The following PCDH15 variants were observed in gnomAD, a reference collection of about 807,000 sequenced individuals.
PCDH15 encodes the protein protocadherin related 15, also known as protocadherin-15.
A neutral mutation model predicts 178.5 loss-of-function variants in PCDH15; 129 were observed. The observed-to-expected ratio is 0.72, with a 90% CI of 0.63 to 0.84. The LOEUF (loss-of-function observed/expected upper bound fraction) is 0.84, where lower values mean the gene tolerates loss of function less well. Among genes scored for constraint, PCDH15 ranks in the 40% least tolerant of loss-of-function variants. The pLI is 0.00. For missense variants in PCDH15, 2,230 were observed against 2,099.9 expected (o/e 1.06, Z -1.21); for synonymous variants, 800 against 732.0 (o/e 1.09, Z -1.50).
chr10:54,092,456 A>G (rs910653486), intron 15 of PCDH15, among the ~76,000 whole-genome samples: 12 of 151,818 alleles, frequency 7.9e-5, no homozygotes, highest in African/African-American at 2.9e-4. Flanking sequence ...CACCCTCCCC[A>G]TGCCATACAC....
At chr10:54,349,697 T>C (rs1943874458) in intron 5 of PCDH15, among the ~76,000 whole-genome samples, 1 of 152,186 alleles carries the variant, frequency 6.6e-6, no homozygotes, top group South Asian at 2.1e-4. Context: ...ATGTAGTCCT[T>C]TAAAATAAAC....
intron 15 of PCDH15, among the ~76,000 whole-genome samples, chr10:54,130,362 G>GC (rs2042329636): frequency 6.6e-6 from 1 of 152,166 alleles, no homozygotes; most frequent in Non-Finnish European, 1.5e-5. Flanking sequence ...GCACATGACT[G>GC]GCTCTCACGA....
rs533767824 is a variant in PCDH15, at chr10:54,740,893, A to G, written c.-29+60032T>C. Among the ~76,000 whole-genome samples, 75 of 152,080 alleles carry G rather than the reference A, an allele frequency of 4.9e-4. No homozygotes were observed. In the South Asian group the frequency reaches 0.015, roughly 30 times the overall value. ...AGGGTAGGGTAGAGGATGGATGAAG[A>G]AAGATTGGTTAATGGATACAAAAAT... On this transcript the variant is annotated intron_variant, in intron 1 of 37. Transcript: ENST00000644397.
chr10:55,507,647 C>A (rs1395870835), intron 2 of PCDH15, among the ~76,000 whole-genome samples: 3 of 151,440 alleles, frequency 2.0e-5, no homozygotes, highest in African/African-American at 2.4e-5. Context: ...TAAACACTTT[C>A]ATATAGCATA....
chr10:55,244,032 A>G (rs1841623528), intron 1 of PCDH15, among the ~76,000 whole-genome samples: 2 of 152,082 alleles, frequency 1.3e-5, no homozygotes, highest in African/African-American at 4.8e-5. Context: ...TTTCTTTCAA[A>G]AAATCATTAA....
At chr10:55,094,360 G>A (rs1455305392) in intron 2 of PCDH15, among the ~76,000 whole-genome samples, 1 of 151,922 alleles carries the variant, frequency 6.6e-6, no homozygotes, top group African/African-American at 2.4e-5. Context: ...TTGGACACAG[G>A]GTGGGGAACA....
rs1440362228 is a variant in PCDH15 at position 53,804,357 on chromosome 10, A to G, written c.*2222T>C. ...AGGCCACTAGACTTCTGCCAACATCATATTTCCAAATCTACTGGTAACCAA... is the reference window on the plus strand; with the variant it reads ...AGGCCACTAGACTTCTGCCAACATCGTATTTCCAAATCTACTGGTAACCAA... On this transcript the variant is annotated 3_prime_UTR_variant, in exon 38 of 38. Transcript: ENST00000644397. 6.6e-6 allele frequency: 1 copy of G among 151,980 alleles called. No homozygotes were observed. Among genetic ancestry groups the G allele is most frequent in the African/African-American group, 2.4e-5 (1 of 41,426 alleles). The allele number at this position is 151,980 out of a possible 1,614,324, so 9.4% of individuals were successfully genotyped here.
intron 2 of PCDH15, among the ~76,000 whole-genome samples, chr10:55,461,199 T>C (rs1341137292): frequency 1.3e-5 from 2 of 152,176 alleles, no homozygotes; most frequent in Non-Finnish European, 2.9e-5. Flanking sequence ...TCTGCAGCAC[T>C]CTGTCCTAGG....
intron 2 of PCDH15, among the ~76,000 whole-genome samples, chr10:55,538,460 TCCTTCCTCCCTC>T (rs1841645942): frequency 7.0e-6 from 1 of 143,462 alleles, no homozygotes; most frequent in Non-Finnish European, 1.5e-5. Context: ...CTTCTTTCCT[TCCTTCCTCCCTC>T]CCTTCCTCCC....
chr10:55,372,985 C>T (rs888736436), intron 2 of PCDH15, among the ~76,000 whole-genome samples: 5 of 151,998 alleles, frequency 3.3e-5, no homozygotes, highest in Admixed American at 1.3e-4. Flanking sequence ...GAGGTTGTAG[C>T]CTTTGTGAGT....
At chr10:54,175,364 TTA>T (rs1326930205) in intron 13 of PCDH15, among the ~76,000 whole-genome samples, 1 of 152,186 alleles carries the variant, frequency 6.6e-6, no homozygotes, top group Non-Finnish European at 1.5e-5. Flanking sequence ...ATATGTAATT[TTA>T]TATGTTATGT....
chr10:55,594,722 T>A (rs1036944357), intron 2 of PCDH15, among the ~76,000 whole-genome samples: 1 of 152,024 alleles, frequency 6.6e-6, no homozygotes, highest in African/African-American at 2.4e-5. Context: ...TAATTGCTAA[T>A]GTGTTTCATA....
intron 2 of PCDH15, among the ~76,000 whole-genome samples, chr10:55,338,296 G>C (rs1251565030): frequency 2.0e-5 from 3 of 151,934 alleles, no homozygotes; most frequent in Non-Finnish European, 4.4e-5. Flanking sequence ...CCCACTTCTG[G>C]GTATATATCT....
chr10:55,284,939 A>C (rs1448232700), intron 1 of PCDH15, among the ~76,000 whole-genome samples: 1 of 151,864 alleles, frequency 6.6e-6, no homozygotes, highest in African/African-American at 2.4e-5. Flanking sequence ...GAAATAGTCA[A>C]AGACGGTATA....
At chr10:55,065,362 T>C (rs1841535906) in intron 2 of PCDH15, among the ~76,000 whole-genome samples, 1 of 151,966 alleles carries the variant, frequency 6.6e-6, no homozygotes, top group South Asian at 2.1e-4. Context: ...CCCCCAGTTA[T>C]GGTAATGTTG....
chr10:54,116,826 A>C (rs866735920), intron 15 of PCDH15, among the ~76,000 whole-genome samples: 20 of 152,354 alleles, frequency 1.3e-4, no homozygotes, highest in Middle Eastern at 3.4e-3. Context: ...TGAATCTAAC[A>C]GTTAAAATGG....
intron 2 of PCDH15, among the ~76,000 whole-genome samples, chr10:55,001,315 A>G (rs557472877): frequency 6.6e-6 from 1 of 152,304 alleles, no homozygotes; most frequent in South Asian, 2.1e-4. Flanking sequence ...AACCTGGGAC[A>G]TGCTGAATGG....
chr10:54,893,029 T>G (rs1405927057), intron 3 of PCDH15, among the ~76,000 whole-genome samples: 1 of 152,024 alleles, frequency 6.6e-6, no homozygotes, highest in Non-Finnish European at 1.5e-5. Context: ...TATAGAAGAT[T>G]GAGAAGGAAA....
At chr10:54,159,184 T>C (rs2045465551) in intron 13 of PCDH15, among the ~76,000 whole-genome samples, 1 of 152,180 alleles carries the variant, frequency 6.6e-6, no homozygotes, top group Non-Finnish European at 1.5e-5. Context: ...TTTTGCCTCT[T>C]GGGCATCCTT....
Sources: allele counts gnomAD v4.1 joint callset (sites outside exome capture counted in the v4.1 genomes callset), GRCh38; gene constraint gnomAD v4.1.1; transcripts MANE v1.5; gene names NCBI Gene and HGNC (gene_info 2026-07-23, HGNC 2026-07-21).